Variants in GABRB2 observed in about 807,000 individuals in gnomAD.
GABRB2 encodes the protein gamma-aminobutyric acid receptor subunit beta-2.
A neutral mutation model predicts 54.7 loss-of-function variants in GABRB2; 16 were observed. The ratio of observed to expected loss-of-function variants is 0.29; its 90% confidence interval spans 0.20 to 0.44. The LOEUF (loss-of-function observed/expected upper bound fraction) is 0.44, where lower values mean the gene tolerates loss of function less well. Ranked by LOEUF, GABRB2 falls within the 20% of genes least tolerant of loss-of-function variation. The pLI is 1.00. For synonymous variants in GABRB2, 244 were observed against 233.8 expected (o/e 1.04, Z -0.40); for missense variants, 355 against 644.0 (o/e 0.55, Z 4.86).
chr5:161,364,660 A>G (rs1754922593), intron 5 of GABRB2, among the ~76,000 whole-genome samples: 1 of 152,164 alleles, frequency 6.6e-6, no homozygotes, highest in Non-Finnish European at 1.5e-5. Context: ...TGAGAAATAA[A>G]AAATAACTTT....
At chr5:161,509,078 T>G (rs1759688841) in intron 3 of GABRB2, among the ~76,000 whole-genome samples, 1 of 151,772 alleles carries the variant, frequency 6.6e-6, no homozygotes, top group South Asian at 2.1e-4. Context: ...ATAAATGGAG[T>G]GCTAGATTTC....
intron 4 of GABRB2, among the ~76,000 whole-genome samples, chr5:161,431,923 A>G (rs1258495863): frequency 6.6e-6 from 1 of 152,226 alleles, no homozygotes; most frequent in Non-Finnish European, 1.5e-5. Flanking sequence ...GAAATGTTCA[A>G]TAAAACTTTC....
At chr5:161,496,132 G>T (rs1419771144) in intron 3 of GABRB2, among the ~76,000 whole-genome samples, 1 of 152,118 alleles carries the variant, frequency 6.6e-6, no homozygotes, top group East Asian at 1.9e-4. Flanking sequence ...AGAAAACTCA[G>T]AGAAACCTGG....
intron 5 of GABRB2, among the ~76,000 whole-genome samples, chr5:161,357,915 A>G (rs1230358471): frequency 1.3e-5 from 2 of 152,076 alleles, no homozygotes; most frequent in Non-Finnish European, 2.9e-5. Context: ...AAAGTTTTGG[A>G]CATACAAATT....
Position 161,330,907 on chromosome 5 carries a change from C to T in GABRB2, c.1053G>A (p.Glu351=). 6.2e-7 allele frequency: 1 copy of T among 1,614,238 alleles called. No homozygotes were observed. The highest frequency in any genetic ancestry group is 8.5e-7 in the Non-Finnish European group (1 of 1,180,038). Reference sequence around the variant, plus strand: ...CCTTGTTGACATCCAGGCGCATCTTCTCATTGTTGGCACTGGCAGCCTTCT... The same window carrying T: ...CCTTGTTGACATCCAGGCGCATCTTTTCATTGTTGGCACTGGCAGCCTTCT... The part of the protein sequence containing the change: ...AAEKAASANN[E]KMRLDVNKIF... The change falls in exon 8 of 10, where the codon GAG becomes GAA. Residue 351 remains glutamate (E), a synonymous_variant. Coordinates refer to ENST00000393959, the MANE Select transcript of GABRB2 (RefSeq NM_001371727.1).
intron 5 of GABRB2, among the ~76,000 whole-genome samples, chr5:161,389,277 G>A (rs1349842128): frequency 6.6e-6 from 1 of 151,954 alleles, no homozygotes; most frequent in East Asian, 1.9e-4. Flanking sequence ...TTTAGTAGGT[G>A]TACCTGATTT....
intron 9 of GABRB2, among the ~76,000 whole-genome samples, chr5:161,310,694 C>G (rs901352969): frequency 1.3e-5 from 2 of 151,804 alleles, no homozygotes; most frequent in Admixed American, 6.6e-5. Context: ...CACACACACA[C>G]ACACAGATTT....
At chr5:161,311,310 C>A (rs3850733) in intron 9 of GABRB2, among the ~76,000 whole-genome samples, 19,360 of 152,202 alleles carry the variant, frequency 0.13, 1,743 homozygotes, top group African/African-American at 0.23. Flanking sequence ...AAATTGGATT[C>A]TATGGCTGCC....
intron 3 of GABRB2, among the ~76,000 whole-genome samples, chr5:161,538,072 G>T (rs1225060185): frequency 6.6e-6 from 1 of 152,066 alleles, no homozygotes; most frequent in South Asian, 2.1e-4. Flanking sequence ...ACCCCACATT[G>T]TGATTCTTTC....
intron 5 of GABRB2, among the ~76,000 whole-genome samples, chr5:161,375,451 C>A (rs1223957120): frequency 1.3e-5 from 2 of 152,164 alleles, no homozygotes; most frequent in Non-Finnish European, 2.9e-5. Context: ...GACTGTGATA[C>A]TGTCTCTGCA....
intron 5 of GABRB2, among the ~76,000 whole-genome samples, chr5:161,370,431 C>G (rs1755098544): frequency 6.6e-6 from 1 of 152,086 alleles, no homozygotes; most frequent in South Asian, 2.1e-4. Context: ...CTTGGGATGG[C>G]CTATGTGGGA....
chr5:161,469,057 C>T (rs1758360137), intron 3 of GABRB2, among the ~76,000 whole-genome samples: 1 of 151,662 alleles, frequency 6.6e-6, no homozygotes, highest in African/African-American at 2.4e-5. Flanking sequence ...ATTTGGGAAA[C>T]ATACATATAG....
intron 3 of GABRB2, among the ~76,000 whole-genome samples, chr5:161,488,212 T>A (rs911460775): frequency 1.3e-5 from 2 of 148,280 alleles, no homozygotes; most frequent in East Asian, 4.0e-4. Context: ...ACAAGTGGAT[T>A]GGAGTTTTGC....
At chr5:161,371,721 GT>G (rs59521505) in intron 5 of GABRB2, among the ~76,000 whole-genome samples, 17 of 151,036 alleles carry the variant, frequency 1.1e-4, no homozygotes, top group East Asian at 3.9e-4. Context: ...AAATGTTGGG[GT>G]TTTTTTTTAT....
At chr5:161,313,819 G>A (rs1386098329) in intron 9 of GABRB2, among the ~76,000 whole-genome samples, 1 of 152,172 alleles carries the variant, frequency 6.6e-6, no homozygotes, top group Non-Finnish European at 1.5e-5. Context: ...GTGATTAAGG[G>A]ACAGTCTTGG....
At chr5:161,479,182 TA>T (rs1283548922) in intron 3 of GABRB2, among the ~76,000 whole-genome samples, 1 of 152,072 alleles carries the variant, frequency 6.6e-6, no homozygotes, top group South Asian at 2.1e-4. Flanking sequence ...CAATGTTTTT[TA>T]AAAAATTGAC....
chr5:161,460,546 G>A (rs1420701787), intron 3 of GABRB2, among the ~76,000 whole-genome samples: 1 of 152,032 alleles, frequency 6.6e-6, no homozygotes, highest in Non-Finnish European at 1.5e-5. Context: ...ACTCTTTTAG[G>A]TGAGATATAA....
chr5:161,535,500 A>G (rs1760604989), intron 3 of GABRB2, among the ~76,000 whole-genome samples: 1 of 152,208 alleles, frequency 6.6e-6, no homozygotes, highest in Non-Finnish European at 1.5e-5. Context: ...TGGAATGCAA[A>G]TGATCAAGAA....
intron 3 of GABRB2, among the ~76,000 whole-genome samples, chr5:161,460,268 A>ATATATATATGTGTG (rs1473728574): frequency 1.3e-5 from 2 of 148,668 alleles, no homozygotes; most frequent in African/African-American, 4.9e-5. Flanking sequence ...TTATATATAT[A>ATATATATATGTGTG]TGTGTGTGTG....
Sources: allele counts gnomAD v4.1 joint callset (sites outside exome capture counted in the v4.1 genomes callset), GRCh38; gene constraint gnomAD v4.1.1; transcripts MANE v1.5; gene names NCBI Gene and HGNC (gene_info 2026-07-23, HGNC 2026-07-21).